Variants in CCDC171 observed in about 807,000 individuals in gnomAD.
CCDC171 encodes the protein coiled-coil domain-containing protein 171.
In CCDC171, 177 loss-of-function variants were observed where a neutral mutation model predicts 168.2. The observed-to-expected ratio is 1.05, with a 90% CI of 0.93 to 1.19. CCDC171 has a LOEUF of 1.19. Among genes scored for constraint, CCDC171 ranks in the 50% most tolerant of loss-of-function variants. The pLI is 0.00. For synonymous variants in CCDC171, 687 were observed against 540.8 expected (o/e 1.27, Z -3.75); for missense variants, 1,991 against 1,539.0 (o/e 1.29, Z -4.91).
chr9:15,611,633 A>G (rs938374832), intron 6 of CCDC171, among the ~76,000 whole-genome samples: 3 of 151,952 alleles, frequency 2.0e-5, no homozygotes, highest in Non-Finnish European at 4.4e-5. Context: ...CCCAACCCCC[A>G]GTTGTGTTTG....
intron 14 of CCDC171, among the ~76,000 whole-genome samples, chr9:15,725,516 C>T (rs1157852216): frequency 3.3e-5 from 5 of 152,052 alleles, no homozygotes; most frequent in Admixed American, 1.3e-4. Flanking sequence ...GTGGTGCGAT[C>T]TGGGCTCATT....
At chr9:15,682,339 CCT>C (rs1197082101) in intron 10 of CCDC171, among the ~76,000 whole-genome samples, 1 of 151,904 alleles carries the variant, frequency 6.6e-6, no homozygotes, top group South Asian at 2.1e-4. Context: ...TGATAGCTCC[CCT>C]GTTTTGAGAG....
chr9:16,100,280 G>A, the CCDC171 span, among the ~76,000 whole-genome samples: 1 of 152,124 alleles, frequency 6.6e-6, no homozygotes, highest in African/African-American at 2.4e-5. Flanking sequence ...ATTGACTGGT[G>A]CTTATATAAA....
intron 6 of CCDC171, among the ~76,000 whole-genome samples, chr9:15,595,638 A>C (rs769746416): frequency 1.2e-4 from 18 of 152,176 alleles, no homozygotes; most frequent in Non-Finnish European, 4.4e-5. Flanking sequence ...TAGCAACATG[A>C]TTTATAATCC....
intron 12 of CCDC171, among the ~76,000 whole-genome samples, chr9:15,722,879 A>G (rs1234584928): frequency 3.3e-5 from 5 of 152,224 alleles, no homozygotes. Flanking sequence ...AGACAAGACA[A>G]CCTGTATTGT....
intron 25 of CCDC171, among the ~76,000 whole-genome samples, chr9:15,969,973 A>G (rs557466338): frequency 6.6e-6 from 1 of 152,294 alleles, no homozygotes; most frequent in African/African-American, 2.4e-5. Context: ...AATACTACTA[A>G]TCAGGGTCAA....
At chr9:16,070,668 G>C in the CCDC171 span, among the ~76,000 whole-genome samples, 1 of 152,252 alleles carries the variant, frequency 6.6e-6, no homozygotes, top group Admixed American at 6.5e-5. Flanking sequence ...GAGAGGAGCC[G>C]CCTGGTTTCC....
At chr9:15,977,627 CTTTT>C (rs1831664102), downstream of CCDC171, among the ~76,000 whole-genome samples, 1 of 152,138 alleles carries the variant, frequency 6.6e-6, no homozygotes, top group Non-Finnish European at 1.5e-5. Context: ...GGTTCATTGT[CTTTT>C]ATTGCATGTT....
At chr9:15,631,230 G>C (rs2045661679) in intron 7 of CCDC171, among the ~76,000 whole-genome samples, 1 of 151,894 alleles carries the variant, frequency 6.6e-6, no homozygotes, top group East Asian at 1.9e-4. Context: ...AATGAATCCA[G>C]AAGCTGGTTT....
chr9:15,600,254 C>A (rs556435850), intron 6 of CCDC171, among the ~76,000 whole-genome samples: 1 of 152,186 alleles, frequency 6.6e-6, no homozygotes, highest in African/African-American at 2.4e-5. Flanking sequence ...GTTTTTTCCC[C>A]ATCTTTGTGG....
chr9:16,101,989 C>T, the CCDC171 span, among the ~76,000 whole-genome samples: 5 of 152,316 alleles, frequency 3.3e-5, no homozygotes, highest in South Asian at 6.2e-4. Flanking sequence ...TAAAAATACA[C>T]GTTGTTTTAA....
Position 15,685,253 on chromosome 9 carries a change from A to G in CCDC171, c.1215+6357A>G, listed in dbSNP as rs537148345. Among the ~76,000 whole-genome samples, 106 of 152,284 alleles carry G rather than the reference A, an allele frequency of 7.0e-4. No individual in the cohort carries two copies. In the Middle Eastern group the frequency reaches 0.014, roughly 20 times the overall value. On this transcript the variant is annotated intron_variant, in intron 10 of 25. Transcript: ENST00000380701. ...CTCAACAGTTTTGTTTATTTAGCTA[A>G]TGGATTCTGTTTTCATTCTCAAATT... is the stretch of plus-strand genomic sequence containing the variant.
chr9:15,560,416 T>C (rs914259357), intron 1 of CCDC171, among the ~76,000 whole-genome samples: 1 of 152,134 alleles, frequency 6.6e-6, no homozygotes, highest in Non-Finnish European at 1.5e-5. Flanking sequence ...CTTGGAGGCT[T>C]TGTTCATTTC....
the CCDC171 span, among the ~76,000 whole-genome samples, chr9:16,097,978 G>C: frequency 6.6e-6 from 1 of 152,174 alleles, no homozygotes; most frequent in African/African-American, 2.4e-5. Flanking sequence ...ATGTTATATG[G>C]AACTAGCAGT....
At chr9:16,045,288 GA>G (rs1275883420) in intron 1 of CCDC171, among the ~76,000 whole-genome samples, 1 of 152,188 alleles carries the variant, frequency 6.6e-6, no homozygotes, top group Non-Finnish European at 1.5e-5. Context: ...CCACCAAAGG[GA>G]ACCTCGTCAA....
At chr9:15,997,036 GAGTT>G (rs1832396270) in intron 3 of CCDC171, among the ~76,000 whole-genome samples, 1 of 152,142 alleles carries the variant, frequency 6.6e-6, no homozygotes, top group Admixed American at 6.5e-5. Flanking sequence ...CACTAAAACA[GAGTT>G]AGGAGTGATT....
the CCDC171 span, among the ~76,000 whole-genome samples, chr9:16,076,798 G>T: frequency 2.0e-5 from 3 of 152,290 alleles, no homozygotes; most frequent in African/African-American, 4.8e-5. Flanking sequence ...TATAGGAGAG[G>T]TGTGAACAAC....
At chr9:15,899,555 T>G (rs916658160) in intron 24 of CCDC171, among the ~76,000 whole-genome samples, 4 of 152,202 alleles carry the variant, frequency 2.6e-5, no homozygotes, top group Admixed American at 1.3e-4. Context: ...TATCTTACTA[T>G]GGTTTTAAGT....
At chr9:16,054,242 A>T (rs1833797727) in intron 1 of CCDC171, among the ~76,000 whole-genome samples, 2 of 152,196 alleles carry the variant, frequency 1.3e-5, no homozygotes, top group South Asian at 4.1e-4. Context: ...GTAACCCATT[A>T]TCCTGCCCTC....
Sources: allele counts gnomAD v4.1 joint callset (sites outside exome capture counted in the v4.1 genomes callset), GRCh38; gene constraint gnomAD v4.1.1; transcripts MANE v1.5; gene names NCBI Gene and HGNC (gene_info 2026-07-23, HGNC 2026-07-21).